EPB41L3: variants seen among roughly 807,000 people sequenced by gnomAD.
The protein encoded by EPB41L3 is erythrocyte membrane protein band 4.1 like 3, also known as band 4.1-like protein 3.
A neutral mutation model predicts 127.1 loss-of-function variants in EPB41L3; 57 were observed. The observed-to-expected ratio is 0.45, with a 90% CI of 0.36 to 0.56. EPB41L3 has a LOEUF of 0.56. EPB41L3 is among the 20% of genes least tolerant of loss of function. EPB41L3 has a pLI of 0.00. For synonymous variants in EPB41L3, 572 were observed against 549.5 expected, an observed-to-expected ratio of 1.04 and a Z score of -0.57; for missense variants, 1,273 against 1,372.2, an observed-to-expected ratio of 0.93 and a Z score of 1.14.
At chr18:5,571,717 A>G (rs2094283022) in intron 3 of EPB41L3, among the ~76,000 whole-genome samples, 1 of 152,232 alleles carries the variant, frequency 6.6e-6, no homozygotes, top group Non-Finnish European at 1.5e-5. Context: ...GAGAGAAACC[A>G]CAGTGGCTAT....
intron 3 of EPB41L3, among the ~76,000 whole-genome samples, chr18:5,468,077 C>T (rs989618277): frequency 6.6e-6 from 1 of 152,186 alleles, no homozygotes; most frequent in Non-Finnish European, 1.5e-5. Flanking sequence ...CTGTCATGAC[C>T]CAGGCAGGTG....
upstream of EPB41L3, chr18:5,630,295 G>GGCCCGC: frequency 2.0e-6 from 1 of 501,484 alleles, no homozygotes; most frequent in East Asian, 5.6e-5. Flanking sequence ...AAGGGCAGGC[G>GGCCCGC]GCCCGCACCC....
At chr18:5,570,308 A>C (rs952657923) in intron 3 of EPB41L3, 1 of 152,146 alleles carries the variant, frequency 6.6e-6, no homozygotes, top group African/African-American at 2.4e-5. Flanking sequence ...GCTGTAACAC[A>C]AGGGCTTTAT....
intron 3 of EPB41L3, among the ~76,000 whole-genome samples, chr18:5,561,777 C>T (rs946910743): frequency 5.9e-5 from 9 of 152,164 alleles, no homozygotes; most frequent in African/African-American, 9.7e-5. Context: ...AGCCAGTAGA[C>T]GCCACCTTAA....
intron 3 of EPB41L3, among the ~76,000 whole-genome samples, chr18:5,566,643 T>C (rs2094201664): frequency 6.6e-6 from 1 of 152,124 alleles, no homozygotes; most frequent in Non-Finnish European, 1.5e-5. Flanking sequence ...AAAAAGAGTC[T>C]GCATCGCCAA....
At chr18:5,569,633 A>C (rs1021061102) in intron 3 of EPB41L3, among the ~76,000 whole-genome samples, 1 of 152,170 alleles carries the variant, frequency 6.6e-6, no homozygotes, top group Non-Finnish European at 1.5e-5. Flanking sequence ...CATGGAAAAT[A>C]TCTCTTTTTC....
At chr18:5,407,189 C>T (rs2075539032) in intron 15 of EPB41L3, 8 of 544,200 alleles carry the variant, frequency 1.5e-5, no homozygotes, top group Non-Finnish European at 2.6e-5. Flanking sequence ...AACATGGATA[C>T]CAAAAGAATT....
chr18:5,626,043 C>T lies in EPB41L3; in HGVS notation c.-468+2879G>A, dbSNP rs145052649. Among the ~76,000 whole-genome samples the T allele has an allele frequency of 3.4e-4, 52 of 152,056 alleles. No individual in the cohort carries two copies. In the East Asian group the frequency reaches 8.9e-3, roughly 26 times the overall value. On this transcript the variant is annotated intron_variant, in intron 1 of 21. Transcript: ENST00000545076. ...CAATCAGCCCCAATTATATTCAGTG[C>T]CCTTCCCCTGTCTCGTCGCTGCTTT... is the stretch of plus-strand genomic sequence containing the variant.
intron 3 of EPB41L3, among the ~76,000 whole-genome samples, chr18:5,566,738 T>TTCC: frequency 8.6e-6 from 1 of 115,838 alleles, no homozygotes; most frequent in East Asian, 2.6e-4. Context: ...TATTCTATTC[T>TTCC]ATTCTATTCT....
chr18:5,442,913 T>A (rs2080991900), intron 5 of EPB41L3, among the ~76,000 whole-genome samples: 1 of 152,200 alleles, frequency 6.6e-6, no homozygotes, highest in South Asian at 2.1e-4. Flanking sequence ...ACAAACGTGA[T>A]TATGCTATAG....
At chr18:5,422,997 T>G (rs1287400228) in intron 11 of EPB41L3, among the ~76,000 whole-genome samples, 1 of 152,158 alleles carries the variant, frequency 6.6e-6, no homozygotes, top group Non-Finnish European at 1.5e-5. Flanking sequence ...ACTTATAGAT[T>G]TATAAAACAA....
intron 16 of EPB41L3, among the ~76,000 whole-genome samples, chr18:5,405,199 T>C (rs374269500): frequency 4.4e-4 from 67 of 152,286 alleles, no homozygotes; most frequent in African/African-American, 1.3e-3. Flanking sequence ...ATAAGTGTAA[T>C]TGAATTCTTA....
At chr18:5,411,885 C>G (rs2076242395) in intron 13 of EPB41L3, among the ~76,000 whole-genome samples, 1 of 152,152 alleles carries the variant, frequency 6.6e-6, no homozygotes, top group Non-Finnish European at 1.5e-5. Context: ...ACATGCTCAG[C>G]ACATGTACCT....
rs1484674755 is a variant in EPB41L3 at position 5,406,942 on chromosome 18, C to T, written c.2184G>A (p.Leu728=). The T allele has an allele frequency of 2.5e-6, 4 of 1,614,046 alleles. No individual in the cohort carries two copies. In the Admixed American group the frequency reaches 6.7e-5, roughly 27 times the overall value. The part of the protein sequence containing the change: ...AQELEKTQDD[L]MKHQTNISEL... ...CGCTAATGTTGGTTTGATGTTTCAT[C>T]AGGTCATCTTGAGTTTTTTCTAGCT... The change falls in exon 16 of 23, where the codon CTG becomes CTA. Residue 728 remains leucine (L), a synonymous_variant. Transcript: ENST00000341928.
At chr18:5,418,851 T>C (rs150696961) in intron 12 of EPB41L3, among the ~76,000 whole-genome samples, 35 of 152,276 alleles carry the variant, frequency 2.3e-4, no homozygotes, top group Non-Finnish European at 4.4e-4. Flanking sequence ...GTACAAAAGA[T>C]CACTCGTGAA....
intron 3 of EPB41L3, among the ~76,000 whole-genome samples, chr18:5,593,652 G>A (rs1181941950): frequency 2.0e-5 from 3 of 152,136 alleles, no homozygotes; most frequent in Non-Finnish European, 4.4e-5. Flanking sequence ...AAATTTATTA[G>A]GCGGGAATTT....
At chr18:5,460,904 G>T (rs1023644091) in intron 3 of EPB41L3, among the ~76,000 whole-genome samples, 3 of 152,078 alleles carry the variant, frequency 2.0e-5, no homozygotes, top group Non-Finnish European at 4.4e-5. Flanking sequence ...TATACTGGGT[G>T]CATTTATGTA....
rs1225658493 is a variant in EPB41L3 at position 5,534,875 on chromosome 18, G to A, written c.-12+9038C>T. On this transcript the variant is annotated intron_variant, in intron 1 of 22. Coordinates refer to ENST00000341928, the MANE Select transcript of EPB41L3 (RefSeq NM_012307.5). The stretch of plus-strand genomic sequence containing the variant: ...GGGGAACCTTGCCTAGAGAAATAGA[G>A]TACTCCTCCCACAGTTACCTAGCTC... Among the ~76,000 whole-genome samples the A allele has an allele frequency of 2.0e-5, 3 of 152,124 alleles. No homozygotes were observed. The East Asian group carries it at 5.8e-4, about 29-fold the overall frequency.
chr18:5,395,891 A>C (rs1236905198), intron 19 of EPB41L3, among the ~76,000 whole-genome samples, 184 bp from the exon 20 acceptor site: 1 of 152,172 alleles, frequency 6.6e-6, no homozygotes, highest in Non-Finnish European at 1.5e-5. Context: ...AACTGTCATT[A>C]AAAAAACTAA....
Sources: allele counts gnomAD v4.1 joint callset (sites outside exome capture counted in the v4.1 genomes callset), GRCh38; gene constraint gnomAD v4.1.1; transcripts MANE v1.5; gene names NCBI Gene and HGNC (gene_info 2026-07-23, HGNC 2026-07-21).